The following SPOPL variants were observed in gnomAD, a reference collection of about 807,000 sequenced individuals.
SPOPL encodes the protein speckle type BTB/POZ protein like.
Under a neutral mutation model 53.8 loss-of-function variants are expected in SPOPL, and 23 were observed. The ratio of observed to expected loss-of-function variants is 0.43; its 90% CI spans 0.31 to 0.61. The LOEUF (loss-of-function observed/expected upper bound fraction) is 0.61, where lower values mean the gene tolerates loss of function less well. Among genes scored for constraint, SPOPL ranks in the 20% least tolerant of loss-of-function variants. The pLI is 0.12. For synonymous variants in SPOPL, 164 were observed against 149.7 expected (o/e 1.10, Z -0.70); for missense variants, 442 against 466.9 (o/e 0.95, Z 0.49).
chr2:138,562,812 A>G (rs1320739552), intron 8 of SPOPL, among the ~76,000 whole-genome samples: 1 of 151,756 alleles, frequency 6.6e-6, no homozygotes, highest in African/African-American at 2.4e-5. Flanking sequence ...AAGTAATGCA[A>G]AATGGATCAT....
intron 4 of SPOPL, among the ~76,000 whole-genome samples, chr2:138,551,366 G>A (rs190553446): frequency 1.3e-5 from 2 of 152,040 alleles, no homozygotes; most frequent in Non-Finnish European, 2.9e-5. Context: ...TATATAATAC[G>A]TGCTCAGGAA....
At chr2:138,522,524 C>T (rs1207743882) in intron 1 of SPOPL, among the ~76,000 whole-genome samples, 1 of 152,136 alleles carries the variant, frequency 6.6e-6, no homozygotes, top group Non-Finnish European at 1.5e-5. Context: ...ACATCCCTCC[C>T]TTCCTTTCCC....
rs1376020458 is a variant in SPOPL, at chr2:138,505,616, AAAAAAAT to A, written c.-61+3499_-61+3505del. On this transcript the variant is annotated intron_variant, in intron 1 of 10. Coordinates refer to ENST00000280098, the MANE Select transcript of SPOPL (RefSeq NM_001001664.3). ...TTCTAAAAAAAAAAAAAAAAAAAAA[AAAAAAAT>A]AGTTAGTTGGGTGTGGTGGCACACA... 3.4e-3 allele frequency among the ~76,000 whole-genome samples: 506 copies of A among 149,476 alleles called. 3 individuals are homozygous for A. The highest frequency in any genetic ancestry group is 0.012 in the African/African-American group (468 of 40,230).
chr2:138,529,460 CTGTT>C (rs770576713), intron 1 of SPOPL, among the ~76,000 whole-genome samples: 5 of 151,002 alleles, frequency 3.3e-5, no homozygotes, highest in Non-Finnish European at 5.9e-5. Flanking sequence ...CATAAATGAA[CTGTT>C]TGTGTAGGTA....
rs78276438 is a variant in SPOPL at position 138,519,002 on chromosome 2, A to G, written c.-61+16883A>G. Among the ~76,000 whole-genome samples, 648 of 152,278 alleles carry G rather than the reference A, an allele frequency of 4.3e-3. 30 individuals are homozygous for G. The East Asian group carries it at 0.09, about 21-fold the overall frequency. ...TACTAGGTGTCTTCTGTACATTCCCATTCAATATACCAGTCATTTGAGATA... is the reference window on the plus strand; with the variant it reads ...TACTAGGTGTCTTCTGTACATTCCCGTTCAATATACCAGTCATTTGAGATA... On this transcript the variant is annotated intron_variant, in intron 1 of 10. Transcript: ENST00000280098.
chr2:138,526,373 A>G (rs2104868861), intron 1 of SPOPL, among the ~76,000 whole-genome samples: 1 of 152,158 alleles, frequency 6.6e-6, no homozygotes, highest in South Asian at 2.1e-4. Flanking sequence ...TGTTTTCTTC[A>G]TTTGGTTAGA....
chr2:138,532,263 A>T (rs1340043497), intron 1 of SPOPL, among the ~76,000 whole-genome samples: 1 of 152,176 alleles, frequency 6.6e-6, no homozygotes, highest in Non-Finnish European at 1.5e-5. Flanking sequence ...CCGTAAGGCC[A>T]ACAGAATCTT....
chr2:138,532,058 A>G (rs142664093), intron 1 of SPOPL, among the ~76,000 whole-genome samples: 169 of 152,298 alleles, frequency 1.1e-3, no homozygotes, highest in Non-Finnish European at 1.7e-3. Context: ...AGGCATTTCA[A>G]TTTAGAGTCT....
chr2:138,569,744 C>T lies in SPOPL; in HGVS notation c.*664C>T, dbSNP rs1685742361. On this transcript the variant is annotated 3_prime_UTR_variant, in exon 11 of 11. Transcript: ENST00000280098. ...AAACTGTGGGTTTATTCTAAGTTTA[C>T]AATTATTGAGAACTGATTGAGGTTA... The T allele has an allele frequency of 6.6e-6, 1 of 152,280 alleles. No homozygotes were observed. The highest frequency in any genetic ancestry group is 1.5e-5 in the Non-Finnish European group (1 of 68,000). The allele number at this position is 152,280 out of a possible 1,614,324, so 9.4% of individuals were successfully genotyped here.
intron 1 of SPOPL, among the ~76,000 whole-genome samples, chr2:138,505,033 CTCA>C (rs1684184501): frequency 6.6e-6 from 1 of 152,070 alleles, no homozygotes; most frequent in Non-Finnish European, 1.5e-5. Context: ...CAACATAGTT[CTCA>C]TCTATTACTC....
rs1338028372 is a variant in SPOPL at position 138,572,273 on chromosome 2, A to G, written c.*3193A>G. The G allele has an allele frequency of 6.6e-6, 1 of 152,608 alleles. No individual in the cohort carries two copies. Among genetic ancestry groups the G allele is most frequent in the Non-Finnish European group, 1.5e-5 (1 of 68,026 alleles). The allele number at this position is 152,608 out of a possible 1,614,324, so 9.5% of individuals were successfully genotyped here. ...GTGCCTTTTTAGGACATCAATTATA[A>G]TAAAATTGTTTTAAAATATTAACAA... On this transcript the variant is annotated 3_prime_UTR_variant, in exon 11 of 11. Coordinates refer to ENST00000280098, the MANE Select transcript of SPOPL (RefSeq NM_001001664.3).
chr2:138,564,633 A>G, intron 8 of SPOPL, 75 bp from the exon 9 acceptor site: 1 of 1,510,150 alleles, frequency 6.6e-7, no homozygotes, highest in East Asian at 2.3e-5. Context: ...CTTATTTTCC[A>G]AGTTGCAAAT....
At chr2:138,541,240 G>C (rs567496657) in intron 1 of SPOPL, among the ~76,000 whole-genome samples, 1 of 152,136 alleles carries the variant, frequency 6.6e-6, no homozygotes, top group Non-Finnish European at 1.5e-5. Context: ...TTTGGTATCA[G>C]GATGATGCTG....
intron 1 of SPOPL, among the ~76,000 whole-genome samples, chr2:138,504,414 T>G (rs561843766): frequency 4.1e-4 from 63 of 152,216 alleles, no homozygotes; most frequent in Non-Finnish European, 7.5e-4. Context: ...TGGCCATGAA[T>G]TTATATAAAC....
chr2:138,531,196 C>G (rs1242878512), intron 1 of SPOPL, among the ~76,000 whole-genome samples: 3 of 151,562 alleles, frequency 2.0e-5, no homozygotes, highest in East Asian at 1.9e-4. Flanking sequence ...CAATCTTTCC[C>G]TTTTTCTCTC....
intron 5 of SPOPL, among the ~76,000 whole-genome samples, chr2:138,554,066 CTTTTTTTTTT>C (rs70978299): frequency 2.4e-5 from 3 of 126,658 alleles, no homozygotes; most frequent in Non-Finnish European, 3.3e-5. Flanking sequence ...TAGAAAATAC[CTTTTTTTTTT>C]TTTTTTTTTT....
At chr2:138,509,592 A>T (rs202049453) in intron 1 of SPOPL, among the ~76,000 whole-genome samples, 2 of 135,154 alleles carry the variant, frequency 1.5e-5, no homozygotes, top group African/African-American at 2.5e-5. Flanking sequence ...GTGATTTTTT[A>T]AAAAAATAGA....
chr2:138,513,558 GATAAAA>G (rs1190290062), intron 1 of SPOPL, among the ~76,000 whole-genome samples: 2 of 151,744 alleles, frequency 1.3e-5, no homozygotes, highest in African/African-American at 4.8e-5. Context: ...TTAAAAAAAT[GATAAAA>G]ATAAAAATAA....
At position 138,564,755 on chromosome 2, in the gene SPOPL, T is replaced by C; in HGVS notation, c.885T>C (p.Ser295=). Residue 295 remains serine, a synonymous_variant, in exon 9 of 11, where the codon AGT becomes AGC. Transcript: ENST00000280098. The part of the protein sequence containing the change: ...LKVMCEEALC[S]NLSVENVADT... ...TCATGTGCGAAGAAGCTTTGTGTAG[T>C]AACCTCTCAGTAGAGAATGTTGCAG... 1 of 1,614,198 alleles carries C rather than the reference T, an allele frequency of 6.2e-7. No homozygotes were observed. The highest frequency in any genetic ancestry group is 8.5e-7 in the Non-Finnish European group (1 of 1,180,020).
Sources: allele counts gnomAD v4.1 joint callset (sites outside exome capture counted in the v4.1 genomes callset), GRCh38; gene constraint gnomAD v4.1.1; transcripts MANE v1.5; gene names NCBI Gene and HGNC (gene_info 2026-07-23, HGNC 2026-07-21).